REEP3: variants seen among roughly 807,000 people sequenced by gnomAD.
REEP3 encodes the protein receptor expression-enhancing protein 3.
REEP3 carries 20 observed loss-of-function variants against 41.3 expected under a neutral mutation model. The observed-to-expected ratio is 0.48, with a 90% CI of 0.34 to 0.70. The LOEUF is 0.70. Among genes scored for constraint, REEP3 ranks in the 30% least tolerant of loss-of-function variants. The pLI is 0.01. For missense variants in REEP3, 271 were observed against 308.8 expected, an observed-to-expected ratio of 0.88 and a Z score of 0.92; for synonymous variants, 104 against 101.8, an observed-to-expected ratio of 1.02 and a Z score of -0.13.
chr10:63,570,097 C>T (rs1479873709), intron 2 of REEP3, among the ~76,000 whole-genome samples: 2 of 151,886 alleles, frequency 1.3e-5, no homozygotes, highest in Non-Finnish European at 2.9e-5. Context: ...TGTTTTATTA[C>T]CCCTGATACA....
intron 2 of REEP3, among the ~76,000 whole-genome samples, chr10:63,593,576 C>T (rs912760262): frequency 1.3e-5 from 2 of 152,164 alleles, no homozygotes; most frequent in African/African-American, 2.4e-5. Flanking sequence ...GTTGGCATGG[C>T]ATTGTGTATT....
Position 63,623,202 on chromosome 10 carries a change from T to A in REEP3, c.*2333T>A, listed in dbSNP as rs980907767. 11 of 152,248 alleles carry A rather than the reference T, an allele frequency of 7.2e-5. No homozygotes were observed. The highest frequency in any genetic ancestry group is 2.7e-4 in the African/African-American group (11 of 41,466). 9.4% of individuals were successfully genotyped at this position (152,248 alleles called of 1,614,324 possible). On this transcript the variant is annotated 3_prime_UTR_variant, in exon 8 of 8. Coordinates refer to ENST00000373758, the MANE Select transcript of REEP3 (RefSeq NM_001001330.3). ...CACATTCACAGTGCTTCCTCTGATATCTTTCCTTACATCATTATACACTGT... is the reference window on the plus strand; with the variant it reads ...CACATTCACAGTGCTTCCTCTGATAACTTTCCTTACATCATTATACACTGT...
intron 2 of REEP3, among the ~76,000 whole-genome samples, chr10:63,569,256 G>A (rs1423571603): frequency 1.3e-5 from 2 of 152,002 alleles, no homozygotes; most frequent in Non-Finnish European, 1.5e-5. Context: ...TTCCCTATTT[G>A]GAATGTTTTT....
chr10:63,539,629 TA>T (rs1281120264), intron 1 of REEP3, among the ~76,000 whole-genome samples: 1 of 152,116 alleles, frequency 6.6e-6, no homozygotes, highest in Non-Finnish European at 1.5e-5. Context: ...CCCATCTCTT[TA>T]AAAAAATGTT....
intron 5 of REEP3, among the ~76,000 whole-genome samples, chr10:63,602,867 G>A (rs563677110): frequency 3.3e-5 from 5 of 152,250 alleles, no homozygotes; most frequent in African/African-American, 1.2e-4. Flanking sequence ...CTACTGCATA[G>A]TAGGTACTGG....
At chr10:63,529,801 G>C (rs1255654208) in intron 1 of REEP3, among the ~76,000 whole-genome samples, 1 of 144,640 alleles carries the variant, frequency 6.9e-6, no homozygotes, top group Non-Finnish European at 1.5e-5. Flanking sequence ...TTGAGACTGA[G>C]GAGTTTTGCT....
rs1203134212 is a variant in REEP3 at position 63,619,755 on chromosome 10, A to G, written c.666A>G (p.Arg222=). 4 of 1,610,098 alleles carry G rather than the reference A, an allele frequency of 2.5e-6. No homozygotes were observed. The highest frequency in any genetic ancestry group is 3.4e-6 in the Non-Finnish European group (4 of 1,178,168). ...TGTTAACACACAAAGGGCTTCGAAG[A>G]TCGCAAAGCATGAAATCTGTGAAAA... ...NEMLTHKGLR[R]SQSMKSVKTT... The change falls in exon 7 of 8, where the codon AGA becomes AGG. Residue 222 remains arginine (R), a synonymous_variant. Coordinates refer to ENST00000373758, the MANE Select transcript of REEP3 (RefSeq NM_001001330.3).
At chr10:63,604,746 T>A (rs1956207584) in intron 5 of REEP3, among the ~76,000 whole-genome samples, 1 of 152,210 alleles carries the variant, frequency 6.6e-6, no homozygotes, top group South Asian at 2.1e-4. Flanking sequence ...TAACAAACAT[T>A]GAATGCTACA....
intron 1 of REEP3, among the ~76,000 whole-genome samples, chr10:63,548,357 A>C (rs1286083273): frequency 5.9e-5 from 9 of 152,176 alleles, no homozygotes. Context: ...AGAAATTGAG[A>C]TTGTTCAAAT....
At chr10:63,619,392 ATTATT>A (rs1389594018) in intron 6 of REEP3, among the ~76,000 whole-genome samples, 1 of 152,176 alleles carries the variant, frequency 6.6e-6, no homozygotes, top group Non-Finnish European at 1.5e-5. Context: ...TCAAAAATAA[ATTATT>A]TTATAATTAT....
At chr10:63,606,821 C>T (rs1956233001) in intron 5 of REEP3, among the ~76,000 whole-genome samples, 1 of 152,018 alleles carries the variant, frequency 6.6e-6, no homozygotes, top group South Asian at 2.1e-4. Context: ...ATATTAAAGA[C>T]AATATTTTAA....
At chr10:63,533,671 A>G (rs1430617141) in intron 1 of REEP3, among the ~76,000 whole-genome samples, 2 of 149,506 alleles carry the variant, frequency 1.3e-5, no homozygotes, top group African/African-American at 4.9e-5. Context: ...AGATATACCT[A>G]TATAAGTCCA....
At chr10:63,529,411 A>C (rs1004845259) in intron 1 of REEP3, among the ~76,000 whole-genome samples, 4 of 152,170 alleles carry the variant, frequency 2.6e-5, no homozygotes, top group Non-Finnish European at 4.4e-5. Flanking sequence ...TAGGAAAGAA[A>C]ACAGAATAAT....
At chr10:63,557,414 T>C (rs893653683) in intron 1 of REEP3, among the ~76,000 whole-genome samples, 8 of 152,248 alleles carry the variant, frequency 5.3e-5, no homozygotes, top group Non-Finnish European at 1.0e-4. Flanking sequence ...GTATAACTTA[T>C]CTTACTGTTT....
intron 1 of REEP3, among the ~76,000 whole-genome samples, chr10:63,559,621 A>G (rs1382815861): frequency 6.6e-6 from 1 of 152,212 alleles, no homozygotes; most frequent in Non-Finnish European, 1.5e-5. Flanking sequence ...CAGCCGACAG[A>G]CTTACAAATT....
intron 6 of REEP3, among the ~76,000 whole-genome samples, chr10:63,617,157 C>A (rs926446951): frequency 2.6e-5 from 4 of 152,110 alleles, no homozygotes; most frequent in Admixed American, 2.6e-4. Context: ...TTCTTCCACC[C>A]GGAACACACA....
At chr10:63,597,508 T>C (rs1956126150) in intron 3 of REEP3, among the ~76,000 whole-genome samples, 1 of 152,218 alleles carries the variant, frequency 6.6e-6, no homozygotes, top group South Asian at 2.1e-4. Context: ...AAGATTCTTG[T>C]ATTAGAATGA....
chr10:63,528,544 G>T (rs1460787146), intron 1 of REEP3, among the ~76,000 whole-genome samples: 1 of 152,144 alleles, frequency 6.6e-6, no homozygotes, highest in Non-Finnish European at 1.5e-5. Context: ...AGCCAAAATA[G>T]TCCTGTTGAA....
chr10:63,587,652 AC>A (rs908272618), intron 2 of REEP3, among the ~76,000 whole-genome samples: 2 of 152,130 alleles, frequency 1.3e-5, no homozygotes, highest in African/African-American at 4.8e-5. Flanking sequence ...CTCAGATTCT[AC>A]CCATCTTCAA....
Sources: allele counts gnomAD v4.1 joint callset (sites outside exome capture counted in the v4.1 genomes callset), GRCh38; gene constraint gnomAD v4.1.1; transcripts MANE v1.5; gene names NCBI Gene and HGNC (gene_info 2026-07-23, HGNC 2026-07-21).